The following ANP32A variants were observed in gnomAD, a reference collection of about 807,000 sequenced individuals.
The protein encoded by ANP32A is acidic leucine-rich nuclear phosphoprotein 32 family member A.
ANP32A carries 1 observed loss-of-function variant against 33.9 expected under a neutral mutation model. The ratio of observed to expected loss-of-function variants is 0.03; its 90% CI spans 0.01 to 0.14. The LOEUF (loss-of-function observed/expected upper bound fraction) is 0.14, where lower values mean the gene tolerates loss of function less well. Among genes scored for constraint, ANP32A ranks in the 10% least tolerant of loss-of-function variants. The pLI, the probability that ANP32A is intolerant of heterozygous loss-of-function variation, is 1.00. For synonymous variants in ANP32A, 115 were observed against 120.5 expected (o/e 0.95, Z 0.30); for missense variants, 155 against 306.0 (o/e 0.51, Z 3.68).
At chr15:68,811,364 G>A (rs1894309753) in intron 1 of ANP32A, among the ~76,000 whole-genome samples, 1 of 152,192 alleles carries the variant, frequency 6.6e-6, no homozygotes. Flanking sequence ...AGGTGCCCAG[G>A]AGGAACAAGG....
chr15:68,785,747 T>C (rs916458834), intron 3 of ANP32A, among the ~76,000 whole-genome samples: 8 of 151,716 alleles, frequency 5.3e-5, no homozygotes, highest in Non-Finnish European at 8.8e-5. Context: ...CAGTGGAGAG[T>C]GTGAACATGA....
intron 1 of ANP32A, 40 bp from the exon 2 acceptor site, chr15:68,787,959 G>A: frequency 6.2e-7 from 1 of 1,613,198 alleles, no homozygotes; most frequent in African/African-American, 1.3e-5. Context: ...GCTGAGGAAT[G>A]GGGCTGAAGC....
At position 68,780,013 on chromosome 15, in the gene ANP32A, G is replaced by T. The variant is rs928085591; in HGVS notation, c.*68C>A. ...TTTCAGGGGGCAGGATTGGAGGGGG[G>T]GGGGAGAGGGGATATGGGTAAAAAC... On this transcript the variant is annotated 3_prime_UTR_variant, in exon 7 of 7. Coordinates refer to ENST00000465139, the MANE Select transcript of ANP32A (RefSeq NM_006305.4). This position sits in a 1 kb window ranked among gnomAD's most constrained non-coding sequence, Gnocchi z 4.3. The T allele has an allele frequency of 1.8e-5, 25 of 1,424,394 alleles. 1 individual carries two copies. Among genetic ancestry groups the T allele is most frequent in the Admixed American group, 7.4e-5 (4 of 54,134 alleles). The allele number at this position is 1,424,394 out of a possible 1,614,324, so 88.2% of individuals were successfully genotyped here.
rs2140359125 is a variant in ANP32A, at chr15:68,783,026, A to G, written c.554T>C (p.Val185Ala). The change falls in exon 5 of 7, where the codon GTA becomes GCA. Residue 185 changes from valine (V) to alanine (A), a missense_variant. Around this residue, in one of 4 missense-constraint regions of ANP32A, gnomAD observed 63 missense variants for 82.8 expected, o/e 0.76. Transcript: ENST00000465139. Reference protein sequence around the residue: ...DEEEYDEDAQVVEDEEDEDEE... With the variant: ...DEEEYDEDAQAVEDEEDEDEE... ...ATCCTCGTCCTCCTCGTCTTCCACTACCTGAGCATCTTCATCATACTCCTC... is the reference window on the plus strand; with the variant it reads ...ATCCTCGTCCTCCTCGTCTTCCACTGCCTGAGCATCTTCATCATACTCCTC... The G allele has an allele frequency of 6.4e-7, 1 of 1,551,806 alleles. No individual in the cohort carries two copies. The highest frequency in any genetic ancestry group is 1.7e-4 in the Middle Eastern group (1 of 5,994).
chr15:68,782,162 C>T (rs951248903), intron 5 of ANP32A, among the ~76,000 whole-genome samples: 1 of 152,204 alleles, frequency 6.6e-6, no homozygotes, highest in African/African-American at 2.4e-5. Flanking sequence ...TAGAAAATGA[C>T]TCTGCTACAG....
At chr15:68,796,686 A>C (rs1894068383) in intron 1 of ANP32A, among the ~76,000 whole-genome samples, 1 of 152,166 alleles carries the variant, frequency 6.6e-6, no homozygotes, top group African/African-American at 2.4e-5. Context: ...AAGATGCACC[A>C]AGGTGTAGTG....
chr15:68,800,615 G>C (rs1194461544), intron 1 of ANP32A, among the ~76,000 whole-genome samples: 1 of 126,506 alleles, frequency 7.9e-6, no homozygotes, highest in East Asian at 2.2e-4. Flanking sequence ...GTGGTGGCGG[G>C]CACCTGTAGT....
intron 1 of ANP32A, among the ~76,000 whole-genome samples, chr15:68,794,128 A>T (rs1331747333): frequency 1.3e-5 from 2 of 152,210 alleles, no homozygotes; most frequent in Non-Finnish European, 1.5e-5. Context: ...ATAAGAATGT[A>T]CTTGGAGCAT....
chr15:68,811,995 C>T (rs370393737), intron 1 of ANP32A, among the ~76,000 whole-genome samples: 169 of 151,590 alleles, frequency 1.1e-3, no homozygotes, highest in African/African-American at 3.9e-3. Context: ...TCCCAAAGTG[C>T]TGGAAGTACA....
intron 1 of ANP32A, among the ~76,000 whole-genome samples, chr15:68,804,439 T>C (rs1279444016): frequency 6.6e-6 from 1 of 152,208 alleles, no homozygotes; most frequent in African/African-American, 2.4e-5. Flanking sequence ...AGAATAAATA[T>C]GGTGCCTGGC....
chr15:68,812,197 G>A (rs1333972131), intron 1 of ANP32A, among the ~76,000 whole-genome samples: 1 of 152,248 alleles, frequency 6.6e-6, no homozygotes, highest in Non-Finnish European at 1.5e-5. Flanking sequence ...GGTGCCCTGA[G>A]AGGGGCGTGC....
chr15:68,803,125 C>G (rs1340891950), intron 1 of ANP32A, among the ~76,000 whole-genome samples: 1 of 152,208 alleles, frequency 6.6e-6, no homozygotes, highest in Non-Finnish European at 1.5e-5. Flanking sequence ...CAGAAGGGAA[C>G]ATTCCGACAC....
At chr15:68,799,587 C>G (rs1025060257) in intron 1 of ANP32A, among the ~76,000 whole-genome samples, 1 of 152,156 alleles carries the variant, frequency 6.6e-6, no homozygotes, top group Non-Finnish European at 1.5e-5. Flanking sequence ...TAGTCTTCAT[C>G]AGAGGCTCAT....
intron 1 of ANP32A, among the ~76,000 whole-genome samples, chr15:68,797,386 C>G (rs1894076812): frequency 6.6e-6 from 1 of 152,152 alleles, no homozygotes; most frequent in African/African-American, 2.4e-5. Flanking sequence ...TACAGAACCA[C>G]AGCACTGCAC....
intron 1 of ANP32A, among the ~76,000 whole-genome samples, chr15:68,788,930 A>G (rs1893966513): frequency 6.6e-6 from 1 of 152,226 alleles, no homozygotes; most frequent in South Asian, 2.1e-4. Context: ...GGTTGTTAAG[A>G]GGTAGACTTA....
At chr15:68,799,903 T>C (rs1292063430) in intron 1 of ANP32A, among the ~76,000 whole-genome samples, 1 of 152,342 alleles carries the variant, frequency 6.6e-6, no homozygotes, top group East Asian at 1.9e-4. Flanking sequence ...GTACGTTTAT[T>C]GTGTTTTCCA....
At chr15:68,811,242 G>A (rs1894308099) in intron 1 of ANP32A, among the ~76,000 whole-genome samples, 1 of 152,104 alleles carries the variant, frequency 6.6e-6, no homozygotes, top group East Asian at 1.9e-4. Flanking sequence ...GGAGTAGGGA[G>A]AAGAGTGGGA....
intron 1 of ANP32A, among the ~76,000 whole-genome samples, chr15:68,800,305 C>G (rs1413528318): frequency 6.6e-6 from 1 of 152,094 alleles, no homozygotes; most frequent in East Asian, 1.9e-4. Context: ...ATGCCAGGTA[C>G]TATGCTAGGT....
chr15:68,801,202 T>TA (rs1567037429), intron 1 of ANP32A, among the ~76,000 whole-genome samples: 3 of 121,764 alleles, frequency 2.5e-5, no homozygotes, highest in Admixed American at 8.7e-5. Context: ...TGCTCTGCCT[T>TA]AAAGGAAGAA....
Sources: gnomAD v4.1 joint callset for allele counts (sites outside exome capture counted in the v4.1 genomes callset) on GRCh38, gnomAD v4.1.1 for gene constraint, gnomAD v4.1.1 regional missense constraint, Gnocchi (gnomAD v3.1) non-coding constraint, MANE v1.5 for transcripts, NCBI Gene and HGNC (gene_info 2026-07-23, HGNC 2026-07-21) for gene names.